Variants in SGCZ observed in about 807,000 individuals in gnomAD.
SGCZ encodes zeta-sarcoglycan.
Under a neutral mutation model 41.3 loss-of-function variants are expected in SGCZ, and 40 were observed. That is an observed-to-expected ratio of 0.97 (90% confidence interval 0.75 to 1.26). The LOEUF is 1.26. Among genes scored for constraint, SGCZ ranks in the 50% most tolerant of loss-of-function variants. The pLI, the probability that SGCZ is intolerant of heterozygous loss-of-function variation, is 0.00. For missense variants in SGCZ, 552 were observed against 369.8 expected, an observed-to-expected ratio of 1.49 and a Z score of -4.04; for synonymous variants, 206 against 137.5, an observed-to-expected ratio of 1.50 and a Z score of -3.49.
chr8:14,946,120 T>C (rs939140121), intron 1 of SGCZ, among the ~76,000 whole-genome samples: 1 of 140,468 alleles, frequency 7.1e-6, no homozygotes, highest in African/African-American at 2.7e-5. Flanking sequence ...CCCTGACTAA[T>C]ACAACTACAT....
At chr8:14,800,586 G>A (rs1006206162) in intron 1 of SGCZ, among the ~76,000 whole-genome samples, 1 of 152,108 alleles carries the variant, frequency 6.6e-6, no homozygotes, top group African/African-American at 2.4e-5. Context: ...CTGTTTTCCT[G>A]ATAGAGTTCC....
At chr8:14,788,289 C>T (rs1028629123) in intron 1 of SGCZ, among the ~76,000 whole-genome samples, 6 of 152,106 alleles carry the variant, frequency 3.9e-5, no homozygotes, top group African/African-American at 1.2e-4. Flanking sequence ...GAAACATAGA[C>T]AGTGTGGAAA....
At chr8:15,067,952 G>C (rs1241689201) in intron 1 of SGCZ, among the ~76,000 whole-genome samples, 2 of 152,170 alleles carry the variant, frequency 1.3e-5, no homozygotes, top group African/African-American at 4.8e-5. Flanking sequence ...AGATGATTTA[G>C]AAAAGCCATG....
In SGCZ at chr8:15,150,185, T is replaced by C. The variant is rs143679711; in HGVS notation, c.39+87400A>G. Reference sequence around the variant, plus strand: ...ATATTTTATGAGGACTGTGTATTGCTTTATCCATTACTTTATAAAACAGTG... The same window carrying C: ...ATATTTTATGAGGACTGTGTATTGCCTTATCCATTACTTTATAAAACAGTG... On this transcript the variant is annotated intron_variant, in intron 1 of 7. Transcript: ENST00000382080. Among the ~76,000 whole-genome samples the C allele has an allele frequency of 2.7e-3, 413 of 152,320 alleles. 3 individuals are homozygous for C. The highest frequency in any genetic ancestry group is 9.5e-3 in the African/African-American group (397 of 41,572).
intron 4 of SGCZ, among the ~76,000 whole-genome samples, chr8:14,172,776 A>T (rs773990777): frequency 6.6e-6 from 1 of 152,118 alleles, no homozygotes; most frequent in Admixed American, 6.6e-5. Context: ...ATATGGACAG[A>T]ATTTGTGGGG....
At chr8:15,188,885 G>C (rs2061287) in intron 1 of SGCZ, among the ~76,000 whole-genome samples, 1 of 151,616 alleles carries the variant, frequency 6.6e-6, no homozygotes, top group South Asian at 2.1e-4. Context: ...GAGTGTGGGA[G>C]GAAAAAAAGA....
chr8:15,164,686 A>G (rs268408), intron 1 of SGCZ, among the ~76,000 whole-genome samples: 104,017 of 149,348 alleles, frequency 0.7, 36,909 homozygotes, highest in African/African-American at 0.78. Flanking sequence ...AGGCTCCCCA[A>G]CTATCACTGT....
chr8:14,161,184 T>C (rs1421903774), intron 5 of SGCZ: 2 of 152,234 alleles, frequency 1.3e-5, no homozygotes, highest in Non-Finnish European at 2.9e-5. Context: ...GTGAGGTTAC[T>C]AGTCAATCTT....
At chr8:14,955,335 T>C (rs910758050) in intron 1 of SGCZ, among the ~76,000 whole-genome samples, 6 of 152,218 alleles carry the variant, frequency 3.9e-5, no homozygotes, top group African/African-American at 1.4e-4. Context: ...TATCAGTTTG[T>C]CCTTCCAAAC....
intron 2 of SGCZ, among the ~76,000 whole-genome samples, chr8:14,389,387 G>GA: frequency 6.8e-6 from 1 of 146,622 alleles, no homozygotes; most frequent in Non-Finnish European, 1.5e-5. Flanking sequence ...GTTCAAAGTA[G>GA]AAAATAATAT....
chr8:14,087,971 T>C lies in SGCZ; in HGVS notation c.*2472A>G, dbSNP rs1801573461. Among the ~76,000 whole-genome samples the C allele has an allele frequency of 6.6e-6, 1 of 151,824 alleles. No individual in the cohort carries two copies. The highest frequency in any genetic ancestry group is 2.1e-4 in the South Asian group (1 of 4,834). On this transcript the variant is annotated 3_prime_UTR_variant, in exon 8 of 8. Coordinates refer to ENST00000382080, the MANE Select transcript of SGCZ (RefSeq NM_139167.4). Reference sequence around the variant, plus strand: ...GGATACAGTCTAAAGCTCTCAAGCTTGTAAGTTACTTTTGAATTATGTCTA... The same window carrying C: ...GGATACAGTCTAAAGCTCTCAAGCTCGTAAGTTACTTTTGAATTATGTCTA...
chr8:15,068,300 T>A (rs1805226087), intron 1 of SGCZ, among the ~76,000 whole-genome samples: 1 of 152,220 alleles, frequency 6.6e-6, no homozygotes, highest in Non-Finnish European at 1.5e-5. Context: ...ATCATCACCC[T>A]GCTTAGAAGT....
At chr8:14,464,826 A>T (rs1801004663) in intron 2 of SGCZ, among the ~76,000 whole-genome samples, 1 of 150,826 alleles carries the variant, frequency 6.6e-6, no homozygotes, top group South Asian at 2.1e-4. Flanking sequence ...ATCCCTTGTG[A>T]TTTTATCTTT....
intron 1 of SGCZ, among the ~76,000 whole-genome samples, chr8:14,886,995 G>A (rs148528555): frequency 1.4e-4 from 22 of 152,202 alleles, no homozygotes; most frequent in East Asian, 1.2e-3. Flanking sequence ...CAACGATGAC[G>A]TCAGAGTTTT....
chr8:14,627,893 AT>A (rs1359206375), intron 1 of SGCZ, among the ~76,000 whole-genome samples: 2 of 152,110 alleles, frequency 1.3e-5, no homozygotes, highest in Non-Finnish European at 2.9e-5. Context: ...GGAAAAGCCA[AT>A]GTCTAGAAAC....
intron 3 of SGCZ, among the ~76,000 whole-genome samples, chr8:14,271,409 C>T (rs1368090148): frequency 6.6e-6 from 1 of 152,102 alleles, no homozygotes; most frequent in Non-Finnish European, 1.5e-5. Flanking sequence ...AGAGTTATCT[C>T]CATGAAGACT....
intron 1 of SGCZ, among the ~76,000 whole-genome samples, chr8:14,837,046 T>G (rs1802723971): frequency 6.6e-6 from 1 of 152,158 alleles, no homozygotes; most frequent in African/African-American, 2.4e-5. Flanking sequence ...CTCCTCAACT[T>G]CTAAAGCCCT....
intron 1 of SGCZ, among the ~76,000 whole-genome samples, chr8:15,021,404 C>G (rs181622262): frequency 6.6e-6 from 1 of 152,272 alleles, no homozygotes; most frequent in Admixed American, 6.5e-5. Flanking sequence ...GACTTGTGTT[C>G]TAGGGCCTCA....
intron 1 of SGCZ, among the ~76,000 whole-genome samples, chr8:14,625,960 A>G (rs983379855): frequency 6.6e-6 from 1 of 152,192 alleles, no homozygotes; most frequent in Non-Finnish European, 1.5e-5. Context: ...TTTAGACAGC[A>G]AAGTTTCATC....
Sources: gnomAD v4.1 joint callset for allele counts (sites outside exome capture counted in the v4.1 genomes callset) on GRCh38, gnomAD v4.1.1 for gene constraint, MANE v1.5 for transcripts, NCBI Gene and HGNC (gene_info 2026-07-23, HGNC 2026-07-21) for gene names.